The following WWP2 variants were observed in gnomAD, a reference collection of about 807,000 sequenced individuals.
WWP2 encodes the protein WW domain containing E3 ubiquitin protein ligase 2, also known as NEDD4-like E3 ubiquitin-protein ligase WWP2.
In WWP2, 57 loss-of-function variants were observed where a neutral mutation model predicts 121.0. The observed-to-expected ratio is 0.47, with a 90% CI of 0.38 to 0.59. The LOEUF (loss-of-function observed/expected upper bound fraction) is 0.59, where lower values mean the gene tolerates loss of function less well. WWP2 is among the 20% of genes least tolerant of loss of function. WWP2 has a pLI of 0.00. For synonymous variants in WWP2, 449 were observed against 441.3 expected (o/e 1.02, Z -0.22); for missense variants, 962 against 1,158.9 (o/e 0.83, Z 2.47).
rs2056993794 is a variant in WWP2 at position 69,842,269 on chromosome 16, TAGA to T, written c.575+150_575+152del. On this transcript the variant is annotated intron_variant, in intron 6 of 23. Coordinates refer to ENST00000359154, the MANE Select transcript of WWP2 (RefSeq NM_001270454.2). ...CTGACTCAGTAGTTAAGAAAGCTAA[TAGA>T]GGAGTCCAGAGCTTAGGATCCTTAT... is the stretch of plus-strand genomic sequence containing the variant. The T allele has an allele frequency of 7.2e-6, 5 of 697,654 alleles. No individual in the cohort carries two copies. The South Asian group carries it at 9.9e-5, about 14-fold the overall frequency. 43.2% of individuals were successfully genotyped at this position (697,654 alleles called of 1,614,324 possible).
At chr16:69,885,976 C>T (rs767114216) in intron 7 of WWP2, among the ~76,000 whole-genome samples, 63 of 152,034 alleles carry the variant, frequency 4.1e-4, no homozygotes, top group Non-Finnish European at 6.9e-4. Flanking sequence ...GATGATATCT[C>T]GAAGAGGGCA....
intron 4 of WWP2, among the ~76,000 whole-genome samples, chr16:69,803,125 A>G: frequency 6.7e-6 from 1 of 149,022 alleles, no homozygotes; most frequent in East Asian, 2.0e-4. Context: ...TTTGATAACT[A>G]TTAACATTAT....
At chr16:69,906,438 A>C (rs2058295164) in intron 8 of WWP2, among the ~76,000 whole-genome samples, 1 of 152,184 alleles carries the variant, frequency 6.6e-6, no homozygotes, top group Non-Finnish European at 1.5e-5. Flanking sequence ...CAGACATCCC[A>C]GTTTAAATAA....
At position 69,795,801 on chromosome 16, in the gene WWP2, C is replaced by G. The variant is rs986633763; in HGVS notation, c.71-2881C>G. On this transcript the variant is annotated intron_variant, in intron 2 of 23. Transcript: ENST00000359154. ...TAGCTGGGACTACTGTTGTGCCCCA[C>G]CACGCCCAGCTAGTTTTTGTATTTT... 4.6e-5 allele frequency among the ~76,000 whole-genome samples: 7 copies of G among 151,772 alleles called. No homozygotes were observed. In the South Asian group the frequency reaches 1.5e-3, roughly 32 times the overall value.
intron 2 of WWP2, among the ~76,000 whole-genome samples, 180 bp from the exon 3 acceptor site, chr16:69,798,502 T>A (rs2151812554): frequency 6.6e-6 from 1 of 152,016 alleles, no homozygotes; most frequent in Admixed American, 6.6e-5. Context: ...TTTTTACACT[T>A]CATATTTTTT....
At chr16:69,786,790 A>G (rs1269301397) in intron 1 of WWP2, among the ~76,000 whole-genome samples, 3 of 152,096 alleles carry the variant, frequency 2.0e-5, no homozygotes, top group African/African-American at 4.8e-5. Flanking sequence ...AGACTTTGCT[A>G]TAACAGTCCT....
intron 1 of WWP2, among the ~76,000 whole-genome samples, chr16:69,770,390 A>G (rs183691416): frequency 6.6e-6 from 1 of 152,242 alleles, no homozygotes; most frequent in African/African-American, 2.4e-5. Flanking sequence ...AAAACCCTGA[A>G]GGACTGGGTT....
intron 8 of WWP2, among the ~76,000 whole-genome samples, chr16:69,903,611 C>CA (rs1447678884): frequency 6.6e-6 from 1 of 151,674 alleles, no homozygotes; most frequent in Non-Finnish European, 1.5e-5. Context: ...TACTAAAATA[C>CA]AAAAAAATTA....
intron 9 of WWP2, among the ~76,000 whole-genome samples, chr16:69,916,592 A>G (rs183937847): frequency 6.6e-6 from 1 of 152,166 alleles, no homozygotes; most frequent in Non-Finnish European, 1.5e-5. Flanking sequence ...AGTCAGTGGC[A>G]GGGAGACTGA....
chr16:69,911,182 T>C (rs563526354), intron 9 of WWP2, among the ~76,000 whole-genome samples: 1 of 152,346 alleles, frequency 6.6e-6, no homozygotes, highest in Non-Finnish European at 1.5e-5. Flanking sequence ...ATTCACTTAA[T>C]CATGGCCGTC....
intron 8 of WWP2, among the ~76,000 whole-genome samples, chr16:69,900,502 G>T (rs2058186086): frequency 6.6e-6 from 1 of 151,548 alleles, no homozygotes; most frequent in African/African-American, 2.4e-5. Context: ...TTTTATAGAT[G>T]CATATATTTT....
chr16:69,929,631 GT>G, intron 12 of WWP2, 102 bp downstream of exon 12: 1 of 993,944 alleles, frequency 1.0e-6, no homozygotes, highest in Non-Finnish European at 1.5e-6. Context: ...GAGGGCTGAT[GT>G]CAGGGACCTT....
Position 69,936,352 on chromosome 16 carries a change from A to T in WWP2, c.2017A>T (p.Ile673Phe), listed in dbSNP as rs767862694. The T allele has an allele frequency of 6.2e-7, 1 of 1,614,096 alleles. No individual in the cohort carries two copies. The highest frequency in any genetic ancestry group is 8.5e-7 in the Non-Finnish European group (1 of 1,180,020). Residue 673 changes from isoleucine to phenylalanine, a missense_variant, in exon 19 of 24, where the codon ATC becomes TTC. Ile to Phe is a conservative substitution (Grantham distance 21, BLOSUM62 0). This residue lies in a region of WWP2 where 606 missense variants were observed against 772.6 expected (regional missense o/e 0.78). Coordinates refer to ENST00000359154, the MANE Select transcript of WWP2 (RefSeq NM_001270454.2). ...AGAATGTGGCCTGGAGCTGTACTTCATCCAGGACATGGAGATACTGGGCAA... is the reference window on the plus strand; with the variant it reads ...AGAATGTGGCCTGGAGCTGTACTTCTTCCAGGACATGGAGATACTGGGCAA... Reference protein sequence around the residue: ...LEECGLELYFIQDMEILGKVT... With the variant: ...LEECGLELYFFQDMEILGKVT...
At chr16:69,908,298 G>A (rs912080840) in intron 8 of WWP2, among the ~76,000 whole-genome samples, 18 of 152,026 alleles carry the variant, frequency 1.2e-4, no homozygotes, top group African/African-American at 3.6e-4. Flanking sequence ...TTGGGTAGAC[G>A]AAAAAGCCTG....
In WWP2 at chr16:69,840,269, TGCC is replaced by T; in HGVS notation, c.478+10_478+12del. On this transcript the variant is annotated splice_region_variant and intron_variant, in intron 5 of 23. Coordinates refer to ENST00000359154, the MANE Select transcript of WWP2 (RefSeq NM_001270454.2). ...TGGCAGTGCCCTGACAGATGGTGAG[TGCC>T]GCCCTGCTCCTCAGGACTGTGCCGG... The T allele has an allele frequency of 6.2e-7, 1 of 1,610,740 alleles. No individual in the cohort carries two copies. The highest frequency in any genetic ancestry group is 8.5e-7 in the Non-Finnish European group (1 of 1,178,606).
At chr16:69,794,747 C>A (rs2055991924) in intron 2 of WWP2, among the ~76,000 whole-genome samples, 1 of 152,070 alleles carries the variant, frequency 6.6e-6, no homozygotes, top group South Asian at 2.1e-4. Flanking sequence ...TCATTGTTGC[C>A]TTGGCAAAGC....
intron 4 of WWP2, among the ~76,000 whole-genome samples, chr16:69,826,477 C>T (rs142165244): frequency 1.0e-3 from 153 of 146,468 alleles, no homozygotes; most frequent in African/African-American, 3.7e-3. Flanking sequence ...GAGGCTGAGA[C>T]AGGAGAATTG....
chr16:69,902,711 G>A (rs909835408), intron 8 of WWP2, among the ~76,000 whole-genome samples: 1 of 152,178 alleles, frequency 6.6e-6, no homozygotes, highest in East Asian at 1.9e-4. Context: ...TGACAGGGAT[G>A]CGCTGATGAA....
chr16:69,935,110 G>C lies in WWP2; in HGVS notation c.1843-743G>C, dbSNP rs533883565. ...TGGAGAACCCGGATTGAGAAGCGGAGCCCGTGGGAGGCACAGCGCGGGAGC... is the reference window on the plus strand; with the variant it reads ...TGGAGAACCCGGATTGAGAAGCGGACCCCGTGGGAGGCACAGCGCGGGAGC... On this transcript the variant is annotated intron_variant, in intron 17 of 23. Coordinates refer to ENST00000359154, the MANE Select transcript of WWP2 (RefSeq NM_001270454.2). The surrounding 1 kb of genome is among the most constrained non-coding windows in gnomAD (Gnocchi z 5.2). Among the ~76,000 whole-genome samples, 158 of 152,200 alleles carry C rather than the reference G, an allele frequency of 1.0e-3. No individual in the cohort carries two copies. Among genetic ancestry groups the C allele is most frequent in the Non-Finnish European group, 1.3e-3 (87 of 68,024 alleles).
Sources: gnomAD v4.1 joint callset for allele counts (sites outside exome capture counted in the v4.1 genomes callset) on GRCh38, gnomAD v4.1.1 for gene constraint, gnomAD v4.1.1 regional missense constraint, Gnocchi (gnomAD v3.1) non-coding constraint, MANE v1.5 for transcripts, NCBI Gene and HGNC (gene_info 2026-07-23, HGNC 2026-07-21) for gene names.